Variants in NDUFS8 observed in about 807,000 individuals in gnomAD.
The protein encoded by NDUFS8 is NADH:ubiquinone oxidoreductase core subunit S8.
Under a neutral mutation model 25.6 loss-of-function variants are expected in NDUFS8, and 13 were observed. The observed-to-expected ratio is 0.51, with a 90% confidence interval of 0.33 to 0.81. The LOEUF is 0.81. NDUFS8 is among the 30% of genes least tolerant of loss of function. The pLI is 0.02. For synonymous variants in NDUFS8, 119 were observed against 119.4 expected, an observed-to-expected ratio of 1.00 and a Z score of 0.02; for missense variants, 257 against 300.9, an observed-to-expected ratio of 0.85 and a Z score of 1.08.
intron 3 of NDUFS8, 140 bp downstream of exon 3, chr11:68,032,476 G>A: frequency 6.5e-7 from 1 of 1,538,462 alleles, no homozygotes; most frequent in Non-Finnish European, 8.7e-7. Context: ...TGATTATGGT[G>A]ATGGAGACTG....
chr11:68,031,869 G>A (rs1173637744), intron 1 of NDUFS8, among the ~76,000 whole-genome samples: 1 of 152,208 alleles, frequency 6.6e-6, no homozygotes, highest in Non-Finnish European at 1.5e-5. Context: ...TGGGAAACAG[G>A]ATCTCTGGGA....
At chr11:68,031,485 T>C (rs1480533400) in intron 1 of NDUFS8, 1 of 164,426 alleles carries the variant, frequency 6.1e-6, no homozygotes, top group African/African-American at 2.4e-5. Flanking sequence ...TAGCTGGGAT[T>C]ATAAGTGCCC....
chr11:68,036,396 C>T lies in NDUFS8; in HGVS notation c.501+15C>T, dbSNP rs774831262. Reference sequence around the variant, plus strand: ...CCATCGTCGAGGCACGTGAGGCCCCCGGGTGGGAGGGGGCCTGAGGCTCCT... The same window carrying T: ...CCATCGTCGAGGCACGTGAGGCCCCTGGGTGGGAGGGGGCCTGAGGCTCCT... On this transcript the variant is annotated intron_variant, in intron 6 of 6. Coordinates refer to ENST00000313468, the MANE Select transcript of NDUFS8 (RefSeq NM_002496.4). 25 of 1,613,568 alleles carry T rather than the reference C, an allele frequency of 1.5e-5. No homozygotes were observed. In the East Asian group the frequency reaches 2.9e-4, roughly 19 times the overall value.
Position 68,033,125 on chromosome 11 carries a change from C to G in NDUFS8, c.214C>G (p.Leu72Val), listed in dbSNP as rs761486844. 4 of 1,612,992 alleles carry G rather than the reference C, an allele frequency of 2.5e-6. No individual in the cohort carries two copies. The highest frequency in any genetic ancestry group is 3.4e-6 in the Non-Finnish European group (4 of 1,179,830). The change falls in exon 5 of 7, where the codon CTG becomes GTG. Residue 72 changes from leucine to valine, a missense_variant. Physicochemically the swap from Leu to Val is conservative, Grantham distance 32 (BLOSUM62 1). Transcript: ENST00000313468. Reference protein sequence around the residue: ...TELFRGLGMTLSYLFREPATI... With the variant: ...TELFRGLGMTVSYLFREPATI... ...GCTGCCCACAGGCCTGGGCATGACC[C>G]TGAGCTACCTGTTCCGGGAACCGGC...
chr11:68,035,861 A>C (rs1350226396), intron 5 of NDUFS8: 2 of 369,726 alleles, frequency 5.4e-6, no homozygotes, highest in African/African-American at 2.1e-5. Flanking sequence ...CTACTAAAAA[A>C]TACAAAAATT....
At chr11:68,033,491 A>G in intron 5 of NDUFS8, 1 of 691,438 alleles carries the variant, frequency 1.4e-6, no homozygotes, top group Non-Finnish European at 2.5e-6. Flanking sequence ...TGAAGCTTCC[A>G]GCCCTGGGCA....
chr11:68,033,447 G>A, intron 5 of NDUFS8, 164 bp downstream of exon 5: 1 of 856,390 alleles, frequency 1.2e-6, no homozygotes, highest in Non-Finnish European at 1.9e-6. Flanking sequence ...ATGAGGGCTT[G>A]TTACCAGAGC....
chr11:68,032,661 T>A, intron 3 of NDUFS8: 1 of 891,738 alleles, frequency 1.1e-6, no homozygotes, highest in South Asian at 1.7e-5. Flanking sequence ...CCTTGATTCC[T>A]CTTTCAAGCC....
At position 68,032,563 on chromosome 11, in the gene NDUFS8, G is replaced by A. The variant is rs1854792203; in HGVS notation, c.109+227G>A. ...TCTCAGAGCTCCCTGGGTGTGATGG[G>A]GAGGGGGTTGCCAGGTGTGAGCCAT... On this transcript the variant is annotated intron_variant, in intron 3 of 6. Transcript: ENST00000313468. 6.2e-6 allele frequency: 9 copies of A among 1,450,174 alleles called. No homozygotes were observed. In the South Asian group the frequency reaches 6.9e-5, roughly 11 times the overall value. The allele number at this position is 1,450,174 out of a possible 1,614,324, so 89.8% of individuals were successfully genotyped here. A position where few individuals can be genotyped will look rare whatever the true frequency, so the allele number is the denominator to read the frequency against.
intron 3 of NDUFS8, chr11:68,032,592 T>G (rs1854792928): frequency 7.7e-7 from 1 of 1,303,160 alleles, no homozygotes; most frequent in African/African-American, 1.5e-5. Context: ...GAGCCATGGG[T>G]ACCTGTGCCT....
chr11:68,032,878 T>C (rs1467018028), intron 3 of NDUFS8, 45 bp from the exon 4 acceptor site: 69 of 1,580,166 alleles, frequency 4.4e-5, no homozygotes, highest in Non-Finnish European at 6.0e-5. Flanking sequence ...AGGGAGACAG[T>C]GTGTGAGGCC....
At chr11:68,034,080 C>T (rs1565146622) in intron 5 of NDUFS8, 1 of 154,526 alleles carries the variant, frequency 6.5e-6, no homozygotes, top group Non-Finnish European at 1.5e-5. Context: ...CTCACAGCCT[C>T]TCCTGTAATC....
In NDUFS8 at chr11:68,036,565, A is replaced by C. The variant is rs1246007371; in HGVS notation, c.605A>C (p.Asn202Thr). The C allele has an allele frequency of 3.7e-6, 6 of 1,613,904 alleles. No individual in the cohort carries two copies. In the Admixed American group the frequency reaches 1.0e-4, roughly 27 times the overall value. The change falls in exon 7 of 7, where the codon AAC becomes ACC. Residue 202 changes from asparagine to threonine, a missense_variant. Transcript: ENST00000313468. ...AAGTGGGAGGCCGAGATCGCCGCCAACATCCAGGCTGACTACTTGTATCGG... is the reference window on the plus strand; with the variant it reads ...AAGTGGGAGGCCGAGATCGCCGCCACCATCCAGGCTGACTACTTGTATCGG... Reference protein sequence around the residue: ...GDKWEAEIAANIQADYLYR With the variant: ...GDKWEAEIAATIQADYLYR
chr11:68,033,290 C>G lies in NDUFS8; in HGVS notation c.372+7C>G. On this transcript the variant is annotated splice_region_variant and intron_variant, in intron 5 of 6. Coordinates refer to ENST00000313468, the MANE Select transcript of NDUFS8 (RefSeq NM_002496.4). ...GGCCATCTGCCCCGCCCAGGTGAGC[C>G]CCTGCCCCAACCGGCCACCACGCCA... The G allele has an allele frequency of 6.2e-7, 1 of 1,600,344 alleles. No homozygotes were observed. Among genetic ancestry groups the G allele is most frequent in the Non-Finnish European group, 8.5e-7 (1 of 1,177,226 alleles).
At position 68,030,730 on chromosome 11, in the gene NDUFS8, C is replaced by T. The variant is rs1350749896; in HGVS notation, c.-4C>T. 3.0e-6 allele frequency: 1 copy of T among 334,936 alleles called. No individual in the cohort carries two copies. Among genetic ancestry groups the T allele is most frequent in the Non-Finnish European group, 5.9e-6 (1 of 168,240 alleles). The allele number at this position is 334,936 out of a possible 1,614,324, so 20.7% of individuals were successfully genotyped here. The stretch of plus-strand genomic sequence containing the variant: ...GGCAAGGCAAGTAGCGGCGGCGCTT[C>T]AAGGTGGGTGTTCACGTTTTGGCCG... On this transcript the variant is annotated 5_prime_UTR_variant, in exon 1 of 7. Coordinates refer to ENST00000313468, the MANE Select transcript of NDUFS8 (RefSeq NM_002496.4).
chr11:68,032,934 A>T lies in NDUFS8; in HGVS notation c.121A>T (p.Met41Leu). Residue 41 changes from methionine to leucine, a missense_variant, in exon 4 of 7, where the codon ATG becomes TTG. By Grantham distance (15) the Met-to-Leu change is conservative (BLOSUM62 2). Transcript: ENST00000313468. ...CCGCCTCTCTGCAGAGTATGTGAAC[A>T]TGCAGGATCCCGAGATGGACATGAA... ...AVAATYKYVNMQDPEMDMKSV... is the reference protein window; with the variant it reads ...AVAATYKYVNLQDPEMDMKSV... 6.2e-7 allele frequency: 1 copy of T among 1,613,868 alleles called. No individual in the cohort carries two copies. Among genetic ancestry groups the T allele is most frequent in the Non-Finnish European group, 8.5e-7 (1 of 1,179,976 alleles).
In NDUFS8 at chr11:68,033,230, G is replaced by T; in HGVS notation, c.319G>T (p.Gly107Trp). The change falls in exon 5 of 7, where the codon GGG (glycine) becomes TGG (tryptophan). Residue 107 changes from glycine (G) to tryptophan (W), a missense_variant. Physicochemically the swap from Gly to Trp is radical, Grantham distance 184 (BLOSUM62 -2). Coordinates refer to ENST00000313468, the MANE Select transcript of NDUFS8 (RefSeq NM_002496.4). ...GCATGCGCTGCGCCGGTACCCATCC[G>T]GGGAGGAGCGTTGCATTGCCTGCAA... ...GEHALRRYPS[G>W]EERCIACKLC... 6.2e-7 allele frequency: 1 copy of T among 1,611,510 alleles called. No homozygotes were observed. The highest frequency in any genetic ancestry group is 8.5e-7 in the Non-Finnish European group (1 of 1,179,478).
chr11:68,033,443 G>A lies in NDUFS8; in HGVS notation c.372+160G>A, dbSNP rs1424070419. The A allele has an allele frequency of 4.6e-6, 4 of 877,312 alleles. No homozygotes were observed. In the African/African-American group the frequency reaches 6.6e-5, roughly 15 times the overall value. 54.3% of individuals were successfully genotyped at this position (877,312 alleles called of 1,614,324 possible). Reference sequence around the variant, plus strand: ...TCCCTCGTGAATGGGAATGATGAGGGCTTGTTACCAGAGCACAGAGTCAGT... The same window carrying A: ...TCCCTCGTGAATGGGAATGATGAGGACTTGTTACCAGAGCACAGAGTCAGT... On this transcript the variant is annotated intron_variant, in intron 5 of 6. Transcript: ENST00000313468.
Position 68,032,028 on chromosome 11 carries a change from A to G in NDUFS8, c.1-124A>G, listed in dbSNP as rs990836523. ...AAAGCCATCTGTGCCTCTGACAGCA[A>G]TGGGGTGCGAGTAGAGGGCAAAGTG... On this transcript the variant is annotated intron_variant, in intron 1 of 6. Coordinates refer to ENST00000313468, the MANE Select transcript of NDUFS8 (RefSeq NM_002496.4). The G allele has an allele frequency of 7.2e-6, 10 of 1,392,688 alleles. No homozygotes were observed. The Admixed American group carries it at 8.4e-5, about 12-fold the overall frequency. The allele number at this position is 1,392,688 out of a possible 1,614,324, so 86.3% of individuals were successfully genotyped here. A position where few individuals can be genotyped will look rare whatever the true frequency, so the allele number is the denominator to read the frequency against.
Sources: allele counts gnomAD v4.1 joint callset (sites outside exome capture counted in the v4.1 genomes callset), GRCh38; gene constraint gnomAD v4.1.1; transcripts MANE v1.5; gene names NCBI Gene and HGNC (gene_info 2026-07-23, HGNC 2026-07-21).